Variants in SRRM4 observed in about 807,000 individuals in gnomAD.
The protein encoded by SRRM4 is serine/arginine repetitive matrix 4, also known as serine/arginine repetitive matrix protein 4.
In SRRM4, 33 loss-of-function variants were observed where a neutral mutation model predicts 68.9. The ratio of observed to expected loss-of-function variants is 0.48; its 90% CI spans 0.36 to 0.64. SRRM4 has a LOEUF of 0.64. SRRM4 is among the 30% of genes least tolerant of loss of function. The pLI, the probability that SRRM4 is intolerant of heterozygous loss-of-function variation, is 0.00. For missense variants in SRRM4, 817 were observed against 827.1 expected, an observed-to-expected ratio of 0.99 and a Z score of 0.15; for synonymous variants, 318 against 318.8, an observed-to-expected ratio of 1.00 and a Z score of 0.03.
intron 1 of SRRM4, among the ~76,000 whole-genome samples, chr12:119,029,809 G>C (rs1364957330): frequency 1.3e-5 from 2 of 152,120 alleles, no homozygotes; most frequent in Non-Finnish European, 2.9e-5. Context: ...CCAGGTAATG[G>C]GAGCCTTGGA....
rs978825476 is a variant in SRRM4 at position 119,159,062 on chromosome 12, T to C, written c.*2264T>C. The C allele has an allele frequency of 6.6e-6, 1 of 151,984 alleles. No individual in the cohort carries two copies. The highest frequency in any genetic ancestry group is 6.6e-5 in the Admixed American group (1 of 15,220). 9.4% of individuals were successfully genotyped at this position (151,984 alleles called of 1,614,324 possible). The stretch of plus-strand genomic sequence containing the variant: ...TATTTCTGTGCATCTCCTTTTTTTT[T>C]CTGCTGTTTTTTATGGATGGGATTT... On this transcript the variant is annotated 3_prime_UTR_variant, in exon 13 of 13. Transcript: ENST00000267260.
At chr12:119,017,404 T>A (rs1014537845) in intron 1 of SRRM4, among the ~76,000 whole-genome samples, 9 of 152,226 alleles carry the variant, frequency 5.9e-5, no homozygotes, top group Admixed American at 5.9e-4. Context: ...TTTCTGGATA[T>A]TTACCTCTGG....
At chr12:118,985,736 A>G (rs1186217780) in intron 1 of SRRM4, among the ~76,000 whole-genome samples, 1 of 152,226 alleles carries the variant, frequency 6.6e-6, no homozygotes, top group Non-Finnish European at 1.5e-5. Flanking sequence ...CTTAGCCTAG[A>G]GAAGTTTGTA....
intron 8 of SRRM4, among the ~76,000 whole-genome samples, chr12:119,138,470 C>A (rs1258571938): frequency 6.6e-6 from 1 of 152,146 alleles, no homozygotes; most frequent in African/African-American, 2.4e-5. Flanking sequence ...GTTTGGCAGT[C>A]TGGACATACT....
chr12:119,106,837 C>T (rs140130516), intron 2 of SRRM4, among the ~76,000 whole-genome samples: 3 of 152,320 alleles, frequency 2.0e-5, no homozygotes, highest in African/African-American at 7.2e-5. Flanking sequence ...CCGGAACTTG[C>T]AACAGTATGT....
intron 1 of SRRM4, among the ~76,000 whole-genome samples, chr12:119,009,572 T>C (rs960584309): frequency 6.6e-6 from 1 of 152,248 alleles, no homozygotes; most frequent in Non-Finnish European, 1.5e-5. Context: ...AATTTAGTTT[T>C]GCTTCTTGCC....
At chr12:119,087,082 A>G (rs1464630685) in intron 1 of SRRM4, among the ~76,000 whole-genome samples, 1 of 152,194 alleles carries the variant, frequency 6.6e-6, no homozygotes, top group African/African-American at 2.4e-5. Context: ...TGGACTCTGG[A>G]GTCAGATCGT....
chr12:119,029,139 A>G (rs1953569847), intron 1 of SRRM4, among the ~76,000 whole-genome samples: 1 of 152,178 alleles, frequency 6.6e-6, no homozygotes, highest in Non-Finnish European at 1.5e-5. Context: ...GCATTACACC[A>G]TCCCCATTCC....
At chr12:119,073,642 A>G (rs530243525) in intron 1 of SRRM4, among the ~76,000 whole-genome samples, 1 of 152,068 alleles carries the variant, frequency 6.6e-6, no homozygotes, top group Admixed American at 6.5e-5. Context: ...CTTTTTTGAG[A>G]CAAAGTCTCA....
At chr12:118,982,552 T>C (rs548559330) in intron 1 of SRRM4, among the ~76,000 whole-genome samples, 2 of 152,318 alleles carry the variant, frequency 1.3e-5, no homozygotes, top group East Asian at 3.9e-4. Flanking sequence ...TTCTGGCGGC[T>C]GCTGCCGCTG....
chr12:119,113,874 C>T (rs1168463942), intron 2 of SRRM4, among the ~76,000 whole-genome samples: 2 of 152,084 alleles, frequency 1.3e-5, no homozygotes, highest in Non-Finnish European at 2.9e-5. Flanking sequence ...ACATACCTTC[C>T]GCCTGCTATT....
intron 1 of SRRM4, among the ~76,000 whole-genome samples, chr12:119,050,770 A>G (rs2136016730): frequency 6.6e-6 from 1 of 152,334 alleles, no homozygotes; most frequent in Middle Eastern, 3.4e-3. Flanking sequence ...AAACTATGTT[A>G]TCTAGAACTG....
At chr12:119,075,970 G>A (rs1327551920) in intron 1 of SRRM4, among the ~76,000 whole-genome samples, 2 of 151,774 alleles carry the variant, frequency 1.3e-5, no homozygotes, top group Admixed American at 6.6e-5. Flanking sequence ...TGGTGGTGGT[G>A]GTGATGGTGA....
intron 1 of SRRM4, among the ~76,000 whole-genome samples, chr12:118,994,934 A>G (rs1953339579): frequency 6.6e-6 from 1 of 152,156 alleles, no homozygotes; most frequent in South Asian, 2.1e-4. Context: ...CATGGGTTCC[A>G]TTCTCTATTA....
At chr12:118,992,521 T>A (rs1525957) in intron 1 of SRRM4, among the ~76,000 whole-genome samples, 7 of 152,168 alleles carry the variant, frequency 4.6e-5, no homozygotes, top group Admixed American at 3.3e-4. Context: ...TGCCCCAGCC[T>A]CCTGTCCACA....
chr12:118,983,360 T>G (rs1565882939), intron 1 of SRRM4, among the ~76,000 whole-genome samples: 1 of 152,204 alleles, frequency 6.6e-6, no homozygotes, highest in African/African-American at 2.4e-5. Flanking sequence ...AGCCAGTGTT[T>G]GCAGACGGGA....
intron 1 of SRRM4, among the ~76,000 whole-genome samples, chr12:119,016,543 A>G (rs1353239192): frequency 1.3e-5 from 2 of 152,156 alleles, no homozygotes; most frequent in Non-Finnish European, 2.9e-5. Flanking sequence ...AAAACCATAT[A>G]ACATAGACTT....
At chr12:119,129,963 AGATGGATGGATGGATGGATG>A (rs10549675) in intron 7 of SRRM4, among the ~76,000 whole-genome samples, 6 of 136,506 alleles carry the variant, frequency 4.4e-5, no homozygotes, top group Non-Finnish European at 7.8e-5. Context: ...AAGGAAGGAC[AGATGGATGGATGGATGGATG>A]GATGGATGGA....
chr12:119,091,403 C>T (rs1245372016), intron 1 of SRRM4, among the ~76,000 whole-genome samples: 1 of 152,170 alleles, frequency 6.6e-6, no homozygotes, highest in Non-Finnish European at 1.5e-5. Flanking sequence ...CCCTCAAGAG[C>T]ACTTCAACCT....
Sources: allele counts gnomAD v4.1 joint callset (sites outside exome capture counted in the v4.1 genomes callset), GRCh38; gene constraint gnomAD v4.1.1; transcripts MANE v1.5; gene names NCBI Gene and HGNC (gene_info 2026-07-23, HGNC 2026-07-21).